The following GDA variants were observed in gnomAD, a reference collection of about 807,000 sequenced individuals.
GDA encodes the protein guanine deaminase, also known as cytoplasmic PSD-95 interactor.
GDA carries 18 observed loss-of-function variants against 59.6 expected under a neutral mutation model. That is an observed-to-expected ratio of 0.30 (90% CI 0.21 to 0.45). GDA has a LOEUF of 0.45. Ranked by LOEUF, GDA falls within the 20% of genes least tolerant of loss-of-function variation. GDA has a pLI of 1.00. For missense variants in GDA, 427 were observed against 552.3 expected (o/e 0.77, Z 2.27); for synonymous variants, 201 against 201.1 (o/e 1.00, Z 0.00).
chr9:72,198,576 A>G (rs13286309), intron 2 of GDA, among the ~76,000 whole-genome samples: 4,921 of 151,804 alleles, frequency 0.032, 95 homozygotes, highest in Middle Eastern at 0.051. Context: ...TGAACAAAAT[A>G]CCAACATTTT....
chr9:72,124,758 G>A (rs1825787139), intron 1 of GDA, among the ~76,000 whole-genome samples: 1 of 152,056 alleles, frequency 6.6e-6, no homozygotes, highest in African/African-American at 2.4e-5. Context: ...TGGGTTATGG[G>A]AATAATCAGC....
chr9:72,230,144 C>G (rs563403292), intron 9 of GDA, among the ~76,000 whole-genome samples: 2 of 152,276 alleles, frequency 1.3e-5, no homozygotes, highest in East Asian at 3.9e-4. Flanking sequence ...CCACTTTGAC[C>G]TTTGCAACTT....
intron 1 of GDA, among the ~76,000 whole-genome samples, chr9:72,125,109 A>C (rs1006980779): frequency 2.0e-5 from 3 of 152,238 alleles, no homozygotes; most frequent in Non-Finnish European, 4.4e-5. Flanking sequence ...GACTACATTT[A>C]CCAGTCTCCT....
intron 11 of GDA, among the ~76,000 whole-genome samples, chr9:72,243,420 A>G (rs2131812283): frequency 6.6e-6 from 1 of 152,342 alleles, no homozygotes; most frequent in South Asian, 2.1e-4. Flanking sequence ...CTGGCCTATT[A>G]AATGCACAGT....
At chr9:72,151,033 T>A (rs1827142139) in intron 1 of GDA, among the ~76,000 whole-genome samples, 1 of 152,222 alleles carries the variant, frequency 6.6e-6, no homozygotes, top group South Asian at 2.1e-4. Context: ...TGGGTTTCTT[T>A]TTTAAAAATT....
In GDA at chr9:72,171,170, A is replaced by G. The variant is rs558716062; in HGVS notation, c.123+21488A>G. Among the ~76,000 whole-genome samples, 3 of 152,152 alleles carry G rather than the reference A, an allele frequency of 2.0e-5. No individual in the cohort carries two copies. The South Asian group carries it at 6.2e-4, about 32-fold the overall frequency. On this transcript the variant is annotated intron_variant, in intron 1 of 13. Transcript: ENST00000358399. ...TAGTTCATATATACTTTCTCCGGCT[A>G]TTGTATATTCCATCTGTTAATCTTG...
chr9:72,177,590 A>G (rs1460582035), intron 1 of GDA, among the ~76,000 whole-genome samples: 1 of 152,194 alleles, frequency 6.6e-6, no homozygotes, highest in Non-Finnish European at 1.5e-5. Context: ...AGAAAAAAAA[A>G]CAAAAACATC....
chr9:72,188,342 G>A (rs1019338926), intron 1 of GDA, among the ~76,000 whole-genome samples: 2 of 152,218 alleles, frequency 1.3e-5, no homozygotes, highest in Non-Finnish European at 2.9e-5. Flanking sequence ...TGGGCTAGGA[G>A]CAACCTACAC....
chr9:72,223,250 T>C (rs552528009), intron 7 of GDA, 23 bp downstream of exon 7: 2 of 1,290,940 alleles, frequency 1.5e-6, no homozygotes, highest in African/African-American at 1.5e-5. Flanking sequence ...CTTCTCTTTA[T>C]GCCTCTATGC....
intron 10 of GDA, among the ~76,000 whole-genome samples, chr9:72,236,020 A>G (rs978405544): frequency 6.6e-6 from 1 of 152,162 alleles, no homozygotes; most frequent in Non-Finnish European, 1.5e-5. Flanking sequence ...TCCAAAAACA[A>G]CAGCTCTTTG....
rs1840482798 is a variant in GDA at position 72,249,509 on chromosome 9, A to C, written c.*1167A>C. ...AAAATTTTAGGATAATGAAGAGTAC[A>C]TAATGTCCTACTTAATATTTATGTT... On this transcript the variant is annotated 3_prime_UTR_variant, in exon 14 of 14. Transcript: ENST00000358399. 1 of 610,784 alleles carries C rather than the reference A, an allele frequency of 1.6e-6. No homozygotes were observed. Among genetic ancestry groups the C allele is most frequent in the Non-Finnish European group, 2.0e-6 (1 of 488,064 alleles). The allele number at this position is 610,784 out of a possible 1,614,324, so 37.8% of individuals were successfully genotyped here.
chr9:72,249,386 A>C lies in GDA; in HGVS notation c.*1044A>C. ...AATGAAGGACAAATCCTGTTAAAGA[A>C]ATATTGTTAAAAATCTTTAAACCCT... On this transcript the variant is annotated 3_prime_UTR_variant, in exon 14 of 14. Coordinates refer to ENST00000358399, the MANE Select transcript of GDA (RefSeq NM_004293.5). The C allele has an allele frequency of 1.0e-6, 1 of 966,418 alleles. No individual in the cohort carries two copies. Among genetic ancestry groups the C allele is most frequent in the Non-Finnish European group, 1.2e-6 (1 of 812,634 alleles). The allele number at this position is 966,418 out of a possible 1,614,324, so 59.9% of individuals were successfully genotyped here. A position where few individuals can be genotyped will look rare whatever the true frequency, so the allele number is the denominator to read the frequency against.
chr9:72,130,518 C>A (rs4745167), intron 1 of GDA, among the ~76,000 whole-genome samples: 70,745 of 152,070 alleles, frequency 0.47, 18,300 homozygotes, highest in Non-Finnish European at 0.58. Flanking sequence ...GTGGAAGAGG[C>A]AAAGTCTATT....
chr9:72,245,867 A>C lies in GDA; in HGVS notation c.1266+589A>C, dbSNP rs542391340. Among the ~76,000 whole-genome samples, 448 of 152,312 alleles carry C rather than the reference A, an allele frequency of 2.9e-3. 2 individuals carry two copies. The highest frequency in any genetic ancestry group is 0.01 in the African/African-American group (428 of 41,556). On this transcript the variant is annotated intron_variant, in intron 12 of 13. Coordinates refer to ENST00000358399, the MANE Select transcript of GDA (RefSeq NM_004293.5). Reference sequence around the variant, plus strand: ...AAAATGTTTTTCTATGGATAAAATAAACTAGTTCATCTTACCTGAAAAATA... The same window carrying C: ...AAAATGTTTTTCTATGGATAAAATACACTAGTTCATCTTACCTGAAAAATA...
chr9:72,151,684 T>C (rs1327193105), intron 1 of GDA, among the ~76,000 whole-genome samples: 2 of 151,860 alleles, frequency 1.3e-5, no homozygotes, highest in Non-Finnish European at 2.9e-5. Context: ...CTTGGCTCAC[T>C]GCAAGCTCTG....
chr9:72,247,545 A>T, intron 13 of GDA, 112 bp downstream of exon 13: 5 of 653,108 alleles, frequency 7.7e-6, no homozygotes, highest in Non-Finnish European at 1.1e-5. Flanking sequence ...TGTGGATGAT[A>T]ATTTGCTTTG....
downstream of GDA, among the ~76,000 whole-genome samples, chr9:72,254,916 C>A (rs1025184711): frequency 2.0e-5 from 3 of 152,158 alleles, no homozygotes; most frequent in Admixed American, 2.0e-4. Context: ...AGTTAAGGAA[C>A]AAGTGAAGGA....
intron 1 of GDA, among the ~76,000 whole-genome samples, chr9:72,151,927 A>C (rs1827268292): frequency 1.3e-5 from 2 of 151,972 alleles, no homozygotes; most frequent in South Asian, 4.1e-4. Flanking sequence ...TTTACTCCTA[A>C]ATTTTTAGGA....
chr9:72,213,036 C>T (rs547775270), intron 4 of GDA, among the ~76,000 whole-genome samples: 14 of 152,114 alleles, frequency 9.2e-5, no homozygotes, highest in African/African-American at 2.9e-4. Context: ...TTTGGGAGGC[C>T]CAGGCAGGCA....
Sources: allele counts gnomAD v4.1 joint callset (sites outside exome capture counted in the v4.1 genomes callset), GRCh38; gene constraint gnomAD v4.1.1; transcripts MANE v1.5; gene names NCBI Gene and HGNC (gene_info 2026-07-23, HGNC 2026-07-21).